The following DOCK9 variants were observed in gnomAD, a reference collection of about 807,000 sequenced individuals.
The protein encoded by DOCK9 is dedicator of cytokinesis protein 9.
In DOCK9, 89 loss-of-function variants were observed where a neutral mutation model predicts 263.3. The observed-to-expected ratio is 0.34, with a 90% CI of 0.28 to 0.40. The LOEUF (loss-of-function observed/expected upper bound fraction) is 0.40. Among genes scored for constraint, DOCK9 ranks in the 10% least tolerant of loss-of-function variants. DOCK9 has a pLI of 1.00. For synonymous variants in DOCK9, 976 were observed against 973.1 expected, an observed-to-expected ratio of 1.00 and a Z score of -0.06; for missense variants, 2,140 against 2,603.4, an observed-to-expected ratio of 0.82 and a Z score of 3.87.
chr13:98,800,569 G>A, intron 49 of DOCK9, 91 bp from the exon 50 acceptor site: 1 of 1,398,276 alleles, frequency 7.2e-7, no homozygotes, highest in African/African-American at 1.4e-5. Context: ...TATTATACAT[G>A]TCATTATTAC....
intron 49 of DOCK9, among the ~76,000 whole-genome samples, chr13:98,804,158 T>TAA: frequency 6.6e-6 from 1 of 152,136 alleles, no homozygotes; most frequent in East Asian, 1.9e-4. Flanking sequence ...TGGTCTGACT[T>TAA]AACTAGGGCC....
At chr13:98,915,003 G>C (rs770889320) in intron 8 of DOCK9, among the ~76,000 whole-genome samples, 1 of 152,018 alleles carries the variant, frequency 6.6e-6, no homozygotes, top group Admixed American at 6.5e-5. Context: ...CCATTTTATA[G>C]GTGAGTCAAC....
At chr13:98,795,949 G>C (rs528505612) in intron 52 of DOCK9, among the ~76,000 whole-genome samples, 116 of 152,044 alleles carry the variant, frequency 7.6e-4, no homozygotes, top group African/African-American at 2.4e-3. Context: ...AGTAGAGATG[G>C]GGTTTCACCA....
In DOCK9 at chr13:98,794,656, G is replaced by A. The variant is rs1247049205; in HGVS notation, c.6249C>T (p.His2083=). 9 of 1,612,210 alleles carry A rather than the reference G, an allele frequency of 5.6e-6. No individual in the cohort carries two copies. The South Asian group carries it at 6.6e-5, about 12-fold the overall frequency. The change falls in exon 53 of 53, where the codon CAC becomes CAT. Residue 2083 remains histidine (H), a synonymous_variant. Coordinates refer to ENST00000682017, the MANE Select transcript of DOCK9 (RefSeq NM_001366683.2). ...CGACCGAAGACGAGCTGGTCATCCC[G>A]TGAACCATTGTGCTTGTTGGAGTCC... ...ISGTPTSTMV[H]GMTSSSSVV
intron 23 of DOCK9, among the ~76,000 whole-genome samples, chr13:98,882,710 T>G (rs1354710684): frequency 1.3e-5 from 2 of 152,196 alleles, no homozygotes; most frequent in Non-Finnish European, 2.9e-5. Flanking sequence ...AGAAGTTCCC[T>G]AAGGGTGAGG....
intron 35 of DOCK9, among the ~76,000 whole-genome samples, chr13:98,852,771 A>C (rs1284196314): frequency 6.6e-6 from 1 of 152,224 alleles, no homozygotes; most frequent in Admixed American, 6.5e-5. Context: ...AACAGAGTTG[A>C]AACTGTCCTG....
chr13:98,911,705 G>A (rs9513508), intron 9 of DOCK9, among the ~76,000 whole-genome samples: 84,904 of 150,988 alleles, frequency 0.56, 24,165 homozygotes, highest in Middle Eastern at 0.61. Context: ...GACCAGCCTC[G>A]CCAACATGGT....
At chr13:98,802,967 A>G (rs1460381925) in intron 49 of DOCK9, among the ~76,000 whole-genome samples, 1 of 152,230 alleles carries the variant, frequency 6.6e-6, no homozygotes, top group East Asian at 1.9e-4. Context: ...CAAAGTTATG[A>G]CAATATAATG....
At position 98,837,557 on chromosome 13, in the gene DOCK9, G is replaced by A. The variant is rs769804899; in HGVS notation, c.4251C>T (p.Asn1417=). The A allele has an allele frequency of 6.2e-7, 1 of 1,613,850 alleles. No individual in the cohort carries two copies. The highest frequency in any genetic ancestry group is 8.5e-7 in the Non-Finnish European group (1 of 1,179,812). ...DVLHQSLLEA[N]IATEVCLTAL... is the part of the protein sequence containing the mutation. Reference sequence around the variant, plus strand: ...CTGTCAGGCAAACCTCAGTAGCAATGTTGGCTTCAAGTAATGACTGGTGCA... The same window carrying A: ...CTGTCAGGCAAACCTCAGTAGCAATATTGGCTTCAAGTAATGACTGGTGCA... The change falls in exon 39 of 53, where the codon AAC becomes AAT. Residue 1417 remains asparagine, a synonymous_variant. Transcript: ENST00000682017.
chr13:99,079,923 C>T (rs929761794), intron 1 of DOCK9, among the ~76,000 whole-genome samples: 1 of 152,152 alleles, frequency 6.6e-6, no homozygotes, highest in African/African-American at 2.4e-5. Context: ...GCCTGTAATT[C>T]CAGCTACCTG....
chr13:99,032,998 T>C (rs1433835312), intron 1 of DOCK9, among the ~76,000 whole-genome samples: 1 of 152,210 alleles, frequency 6.6e-6, no homozygotes, highest in African/African-American at 2.4e-5. Context: ...AAGACATCAT[T>C]GGCTTTTAGG....
At position 98,885,041 on chromosome 13, in the gene DOCK9, T is replaced by G; in HGVS notation, c.2312A>C (p.Glu771Ala). ...GTTCGCCGAGACCGGGATGTGCTGC[T>G]CGCTTGTCACCACCCTTCCGTCTTT... ...LLKDGRVVTS[E>A]QHIPVSANLP... Residue 771 changes from glutamate to alanine, a missense_variant, in exon 21 of 53, where the codon GAG becomes GCG. Around this residue, in one of 2 missense-constraint regions of DOCK9, gnomAD observed 1,521 missense variants for 1,741.7 expected, o/e 0.87. Transcript: ENST00000682017. 2 of 1,613,686 alleles carry G rather than the reference T, an allele frequency of 1.2e-6. No homozygotes were observed. Among genetic ancestry groups the G allele is most frequent in the Non-Finnish European group, 1.7e-6 (2 of 1,179,814 alleles).
At chr13:99,079,399 C>T (rs957887323) in intron 1 of DOCK9, among the ~76,000 whole-genome samples, 1 of 152,140 alleles carries the variant, frequency 6.6e-6, no homozygotes. Flanking sequence ...GGTAACGTAA[C>T]CTGTGTGTGA....
At chr13:98,988,228 T>C (rs1245759276) in intron 1 of DOCK9, among the ~76,000 whole-genome samples, 2 of 152,208 alleles carry the variant, frequency 1.3e-5, no homozygotes, top group African/African-American at 4.8e-5. Flanking sequence ...GAGGTATTCA[T>C]TTCGGGAACA....
Position 98,863,195 on chromosome 13 carries a change from C to A in DOCK9, c.3466-63G>T, listed in dbSNP as rs570688221. 60 of 1,511,144 alleles carry A rather than the reference C, an allele frequency of 4.0e-5. No individual in the cohort carries two copies. In the African/African-American group the frequency reaches 8.0e-4, roughly 20 times the overall value. The allele number at this position is 1,511,144 out of a possible 1,614,324, so 93.6% of individuals were successfully genotyped here. A position where few individuals can be genotyped will look rare whatever the true frequency, so the allele number is the denominator to read the frequency against. On this transcript the variant is annotated intron_variant, in intron 31 of 52. Coordinates refer to ENST00000682017, the MANE Select transcript of DOCK9 (RefSeq NM_001366683.2). Reference sequence around the variant, plus strand: ...TTCTGAGAACCGAACTAAGTTGGTGCTGACCATCTCCTTTATTTGGATCCT... The same window carrying A: ...TTCTGAGAACCGAACTAAGTTGGTGATGACCATCTCCTTTATTTGGATCCT...
intron 1 of DOCK9, among the ~76,000 whole-genome samples, chr13:98,995,485 C>CTTTTTTTTTTTTTTTTTTTTTTTTTTTTT (rs140398881): frequency 8.2e-6 from 1 of 121,470 alleles, no homozygotes; most frequent in Non-Finnish European, 1.7e-5. Flanking sequence ...GAGGAAGATA[C>CTTTTTTTTTTTTTTTTTTTTTTTTTTTTT]TTTTTTTTTT....
At chr13:98,918,490 C>T (rs1257848893) in intron 7 of DOCK9, among the ~76,000 whole-genome samples, 1 of 151,546 alleles carries the variant, frequency 6.6e-6, no homozygotes, top group African/African-American at 2.4e-5. Context: ...CTTACCAAAG[C>T]ATAAAATAAA....
chr13:98,991,458 C>A (rs1595848060), intron 1 of DOCK9, among the ~76,000 whole-genome samples: 1 of 152,218 alleles, frequency 6.6e-6, no homozygotes, highest in Middle Eastern at 3.4e-3. Context: ...CGGGGCTACT[C>A]GAGATTTGCC....
intron 19 of DOCK9, 78 bp downstream of exon 19, chr13:98,886,454 T>G (rs982571363): frequency 3.4e-6 from 4 of 1,187,252 alleles, no homozygotes; most frequent in Admixed American, 2.1e-5. Context: ...TCTCTTGAAT[T>G]TTCCTTTACC....
Sources: gnomAD v4.1 joint callset for allele counts (sites outside exome capture counted in the v4.1 genomes callset) on GRCh38, gnomAD v4.1.1 for gene constraint, gnomAD v4.1.1 regional missense constraint, MANE v1.5 for transcripts, NCBI Gene and HGNC (gene_info 2026-07-23, HGNC 2026-07-21) for gene names.